Variants in NOTCH1 observed in about 807,000 individuals in gnomAD.
NOTCH1 encodes notch receptor 1.
A neutral mutation model predicts 254.8 loss-of-function variants in NOTCH1; 37 were observed. That is an observed-to-expected ratio of 0.15 (90% CI 0.11 to 0.19). The LOEUF (loss-of-function observed/expected upper bound fraction) is 0.19. NOTCH1 is among the 10% of genes least tolerant of loss of function. The pLI, the probability that NOTCH1 is intolerant of heterozygous loss-of-function variation, is 1.00. For synonymous variants in NOTCH1, 1,731 were observed against 1,618.1 expected (o/e 1.07, Z -1.68); for missense variants, 2,972 against 3,708.6 (o/e 0.80, Z 5.16).
At chr9:136,538,682 AGCCT>A (rs966465490) in intron 2 of NOTCH1, among the ~76,000 whole-genome samples, 1 of 152,224 alleles carries the variant, frequency 6.6e-6, no homozygotes, top group Non-Finnish European at 1.5e-5. Context: ...AGCTGACGCC[AGCCT>A]GCCTCAGATC....
Position 136,502,579 on chromosome 9 carries a change from C to T in NOTCH1, c.5168-91G>A, listed in dbSNP as rs887047354. Reference sequence around the variant, plus strand: ...GCCGGGGGGCGGCGGACTGGCTCCGCGTCCGGGCGCCTCCTCACCCACTCT... The same window carrying T: ...GCCGGGGGGCGGCGGACTGGCTCCGTGTCCGGGCGCCTCCTCACCCACTCT... On this transcript the variant is annotated intron_variant, in intron 27 of 33. Coordinates refer to ENST00000651671, the MANE Select transcript of NOTCH1 (RefSeq NM_017617.5). 3.8e-5 allele frequency: 29 copies of T among 756,478 alleles called. No individual in the cohort carries two copies. In the Admixed American group the frequency reaches 6.0e-4, roughly 16 times the overall value. 46.9% of individuals were successfully genotyped at this position (756,478 alleles called of 1,614,324 possible). A position where few individuals can be genotyped will look rare whatever the true frequency, so the allele number is the denominator to read the frequency against.
rs779582015 is a variant in NOTCH1 at position 136,523,952 on chromosome 9, T to C, written c.168A>G (p.Arg56=). ...TGAGGCACGGGTTGGGGTCCTGGCATCGCGGGCCCACGAAGGCCCCGCCAC... is the reference window on the plus strand; with the variant it reads ...TGAGGCACGGGTTGGGGTCCTGGCACCGCGGGCCCACGAAGGCCCCGCCAC... ...CVCGGAFVGP[R]CQDPNPCLST... Residue 56 remains arginine, a synonymous_variant, in exon 3 of 34, where the codon CGA becomes CGG. Transcript: ENST00000651671. The C allele has an allele frequency of 1.3e-6, 2 of 1,567,202 alleles. No homozygotes were observed. Among genetic ancestry groups the C allele is most frequent in the Non-Finnish European group, 1.7e-6 (2 of 1,156,076 alleles).
intron 2 of NOTCH1, among the ~76,000 whole-genome samples, chr9:136,525,674 G>A (rs1843448318): frequency 6.6e-6 from 1 of 152,316 alleles, no homozygotes; most frequent in East Asian, 1.9e-4. Context: ...CCAAGTCCTC[G>A]CCTCCTCTCC....
chr9:136,529,900 T>C (rs2133387539), intron 2 of NOTCH1, among the ~76,000 whole-genome samples: 2 of 152,340 alleles, frequency 1.3e-5, no homozygotes, highest in East Asian at 3.9e-4. Flanking sequence ...CGATGTGGGA[T>C]GGCTGCCTCC....
chr9:136,497,503 A>G lies in NOTCH1; in HGVS notation c.6236T>C (p.Val2079Ala). 6.2e-7 allele frequency: 1 copy of G among 1,610,952 alleles called. No individual in the cohort carries two copies. Among genetic ancestry groups the G allele is most frequent in the Non-Finnish European group, 8.5e-7 (1 of 1,179,350 alleles). The change falls in exon 34 of 34, where the codon GTG becomes GCG. Residue 2079 changes from valine to alanine, a missense_variant. Val to Ala is a moderately conservative substitution (Grantham distance 64, BLOSUM62 0). This residue lies in a region of NOTCH1 where 421 missense variants were observed against 604.4 expected (regional missense o/e 0.70). Coordinates refer to ENST00000651671, the MANE Select transcript of NOTCH1 (RefSeq NM_017617.5). ...CCGGTTGGCAAAGTGGTCCAGCAGC[A>G]CCTTGGCGGTCTCGTAGCTGCCCTC... is the stretch of plus-strand genomic sequence containing the variant. Reference protein sequence around the residue: ...AREGSYETAKVLLDHFANRDI... With the variant: ...AREGSYETAKALLDHFANRDI...
chr9:136,529,333 C>A (rs1843522335), intron 2 of NOTCH1, among the ~76,000 whole-genome samples: 1 of 152,242 alleles, frequency 6.6e-6, no homozygotes, highest in African/African-American at 2.4e-5. Flanking sequence ...CTAGCCCGGA[C>A]CAAGGCTTCT....
intron 27 of NOTCH1, 95 bp downstream of exon 27, chr9:136,503,087 G>C (rs2133332796): frequency 2.6e-6 from 4 of 1,558,844 alleles, no homozygotes; most frequent in Non-Finnish European, 3.5e-6. Context: ...CACACCCGTG[G>C]GTAGCAACTG....
chr9:136,543,284 A>G (rs1171254708), intron 2 of NOTCH1: 1 of 209,006 alleles, frequency 4.8e-6, no homozygotes, highest in Non-Finnish European at 1.0e-5. Context: ...AGGAGGCATC[A>G]CCCGCCTAGA....
chr9:136,504,596 C>T (rs1279614589), intron 26 of NOTCH1, 77 bp downstream of exon 26: 26 of 1,394,074 alleles, frequency 1.9e-5, no homozygotes, highest in South Asian at 1.1e-4. Context: ...TGGCGCCGGC[C>T]GTGAGGGGCA....
chr9:136,498,224 G>A (rs1402217542), intron 33 of NOTCH1, among the ~76,000 whole-genome samples: 7 of 150,100 alleles, frequency 4.7e-5, no homozygotes, highest in Non-Finnish European at 8.9e-5. Context: ...TGCCAAGGGG[G>A]CAGCAGGAGT....
chr9:136,523,213 C>T (rs766309405), intron 3 of NOTCH1, 25 bp from the exon 4 acceptor site: 57 of 1,572,756 alleles, frequency 3.6e-5, no homozygotes, highest in Middle Eastern at 2.0e-4. Context: ...ACAAGAGGGT[C>T]GTGCTGGCCT....
intron 2 of NOTCH1, among the ~76,000 whole-genome samples, chr9:136,542,444 C>T (rs1843744983): frequency 1.3e-5 from 2 of 151,790 alleles, no homozygotes; most frequent in Admixed American, 6.6e-5. Context: ...GCTGCACTTC[C>T]CCTGGATCCC....
chr9:136,495,129 G>A lies in NOTCH1; in HGVS notation c.*942C>T. 1 of 399,118 alleles carries A rather than the reference G, an allele frequency of 2.5e-6. No individual in the cohort carries two copies. The allele number at this position is 399,118 out of a possible 1,614,324, so 24.7% of individuals were successfully genotyped here. ...TGGGGGACACTGTGCAGGCTGAGGTGCTGGGGCCGCCACCGGGGTCAGCCC... is the reference window on the plus strand; with the variant it reads ...TGGGGGACACTGTGCAGGCTGAGGTACTGGGGCCGCCACCGGGGTCAGCCC... On this transcript the variant is annotated 3_prime_UTR_variant, in exon 34 of 34. Coordinates refer to ENST00000651671, the MANE Select transcript of NOTCH1 (RefSeq NM_017617.5).
rs368494947 is a variant in NOTCH1 at position 136,514,601 on chromosome 9, C to T, written c.2116G>A (p.Glu706Lys). 15 of 1,609,396 alleles carry T rather than the reference C, an allele frequency of 9.3e-6. No individual in the cohort carries two copies. Among genetic ancestry groups the T allele is most frequent in the African/African-American group, 4.0e-5 (3 of 74,892 alleles). ...AGGCAGGTGGGGTCGTGGTAGCCCT[C>T]GGGGCAGCGGCAGGTGAAGCCATTG... ...GINGFTCRCP[E>K]GYHDPTCLSE... is the part of the protein sequence containing the mutation. Residue 706 changes from glutamate to lysine, a missense_variant, in exon 13 of 34, where the codon GAG (glutamate) becomes AAG (lysine). By Grantham distance (56) the Glu-to-Lys change is moderately conservative (BLOSUM62 1). Around this residue, in one of 8 missense-constraint regions of NOTCH1, gnomAD observed 1,343 missense variants for 1,557.0 expected, o/e 0.86. Transcript: ENST00000651671.
Position 136,516,862 on chromosome 9 carries a change from G to A in NOTCH1, c.1555+410C>T, listed in dbSNP as rs80289453. ...TCTGAAAACACTCCCATCCACTCATGAGGCAAAACCCTCGCTCTCCTGGGA... is the reference window on the plus strand; with the variant it reads ...TCTGAAAACACTCCCATCCACTCATAAGGCAAAACCCTCGCTCTCCTGGGA... On this transcript the variant is annotated intron_variant, in intron 9 of 33. Transcript: ENST00000651671. Among the ~76,000 whole-genome samples the A allele has an allele frequency of 4.7e-3, 714 of 152,292 alleles. 5 individuals are homozygous for A. The highest frequency in any genetic ancestry group is 0.016 in the African/African-American group (664 of 41,558).
At chr9:136,499,412 T>C (rs1349705100) in intron 31 of NOTCH1, among the ~76,000 whole-genome samples, 153 bp from the exon 32 acceptor site, 1 of 152,204 alleles carries the variant, frequency 6.6e-6, no homozygotes, top group African/African-American at 2.4e-5. Context: ...CGAAACGCCA[T>C]GGGGCTGCCC....
rs1400821402 is a variant in NOTCH1, at chr9:136,514,532, C to A, written c.2185G>T (p.Ala729Ser). The change falls in exon 13 of 34, where the codon GCC (alanine) becomes TCC (serine). Residue 729 changes from alanine (A) to serine (S), a missense_variant. By Grantham distance (99) the Ala-to-Ser change is moderately conservative (BLOSUM62 1). Coordinates refer to ENST00000651671, the MANE Select transcript of NOTCH1 (RefSeq NM_017617.5). The stretch of plus-strand genomic sequence containing the variant: ...TACCCGTTGAGGCTGTCCCGGCAGG[C>A]CCCGTGGACGCAGGGGTTGCTGTTG... ...ECNSNPCVHGACRDSLNGYKC... is the reference protein window; with the variant it reads ...ECNSNPCVHGSCRDSLNGYKC... 2.5e-6 allele frequency: 4 copies of A among 1,592,322 alleles called. No homozygotes were observed. In the African/African-American group the frequency reaches 4.0e-5, roughly 16 times the overall value.
At chr9:136,507,235 C>A in intron 22 of NOTCH1, 70 bp downstream of exon 22, 1 of 1,609,772 alleles carries the variant, frequency 6.2e-7, no homozygotes, top group South Asian at 1.1e-5. Context: ...TGGCCGGTCC[C>A]GGGGTGCCTG....
chr9:136,540,106 C>T lies in NOTCH1; in HGVS notation c.140+3918G>A, dbSNP rs1247457305. Among the ~76,000 whole-genome samples, 2 of 152,316 alleles carry T rather than the reference C, an allele frequency of 1.3e-5. No homozygotes were observed. The highest frequency in any genetic ancestry group is 2.9e-5 in the Non-Finnish European group (2 of 68,024). On this transcript the variant is annotated intron_variant, in intron 2 of 33. Coordinates refer to ENST00000651671, the MANE Select transcript of NOTCH1 (RefSeq NM_017617.5). The surrounding 1 kb of genome is among the most constrained non-coding windows in gnomAD (Gnocchi z 4.4). ...GGTCTCTTCTTCTCACTTATCGGTG[C>T]CTGATCCAGACAGCTTTACGGGGCT...
Sources: gnomAD v4.1 joint callset for allele counts (sites outside exome capture counted in the v4.1 genomes callset) on GRCh38, gnomAD v4.1.1 for gene constraint, gnomAD v4.1.1 regional missense constraint, Gnocchi (gnomAD v3.1) non-coding constraint, MANE v1.5 for transcripts, NCBI Gene and HGNC (gene_info 2026-07-23, HGNC 2026-07-21) for gene names.